The following MYRF variants were observed in gnomAD, a reference collection of about 807,000 sequenced individuals.
MYRF encodes the protein myelin gene regulatory factor.
In MYRF, 16 loss-of-function variants were observed where a neutral mutation model predicts 126.3. The observed-to-expected ratio is 0.13, with a 90% CI of 0.09 to 0.19. MYRF has a LOEUF of 0.19. MYRF is among the 10% of genes least tolerant of loss of function. The probability of loss-of-function intolerance (pLI) is 1.00; values close to 1 mark genes in which losing one functional copy is unlikely to be tolerated. For synonymous variants in MYRF, 608 were observed against 635.3 expected, an observed-to-expected ratio of 0.96 and a Z score of 0.65; for missense variants, 1,104 against 1,547.0, an observed-to-expected ratio of 0.71 and a Z score of 4.80.
intron 1 of MYRF, among the ~76,000 whole-genome samples, chr11:61,761,268 G>GT (rs1555053597): frequency 2.0e-5 from 3 of 151,588 alleles, no homozygotes; most frequent in East Asian, 1.9e-4. Context: ...GTGGGGGGGG[G>GT]GGCACATAAG....
At position 61,785,832 on chromosome 11, in the gene MYRF, G is replaced by A. The variant is rs1422597654; in HGVS notation, c.3333G>A (p.Leu1111=). ...GTSHRWPITI[L]SFREFTYHFR... ...CTCACCGGTGGCCAATAACCATCCT[G>A]TCCTTCCGTGAATTCACCTACCACT... Residue 1111 remains leucine, a synonymous_variant, in exon 26 of 27, where the codon CTG becomes CTA. Coordinates refer to ENST00000278836, the MANE Select transcript of MYRF (RefSeq NM_001127392.3). The A allele has an allele frequency of 1.2e-6, 2 of 1,614,032 alleles. No individual in the cohort carries two copies. The highest frequency in any genetic ancestry group is 1.7e-6 in the Non-Finnish European group (2 of 1,180,024).
intron 1 of MYRF, among the ~76,000 whole-genome samples, chr11:61,760,576 C>T (rs1009774728): frequency 4.6e-5 from 7 of 152,164 alleles, no homozygotes; most frequent in Non-Finnish European, 7.3e-5. Context: ...CTCTGGAGCA[C>T]GTGTGCAGCA....
intron 4 of MYRF, among the ~76,000 whole-genome samples, chr11:61,769,967 A>T (rs1384359113): frequency 6.6e-6 from 1 of 151,252 alleles, no homozygotes; most frequent in Admixed American, 6.6e-5. Context: ...ACGGAGGGGG[A>T]CCTTTAGATT....
chr11:61,753,911 C>G (rs115350041), intron 1 of MYRF: 3 of 152,524 alleles, frequency 2.0e-5, no homozygotes, highest in Non-Finnish European at 4.4e-5. Flanking sequence ...CTCAGAACCT[C>G]CCTGGAACAT....
At chr11:61,761,925 G>A (rs2065912464) in intron 1 of MYRF, among the ~76,000 whole-genome samples, 1 of 152,254 alleles carries the variant, frequency 6.6e-6, no homozygotes, top group Non-Finnish European at 1.5e-5. Context: ...GTGGGTGGTG[G>A]GCGGGTGGTG....
At chr11:61,780,193 C>T (rs747765532) in intron 17 of MYRF, 29 bp from the exon 18 acceptor site, 1 of 1,612,652 alleles carries the variant, frequency 6.2e-7, no homozygotes, top group Non-Finnish European at 8.5e-7. Flanking sequence ...GGCTCCAGCT[C>T]TAACGGTCAC....
rs1209445078 is a variant in MYRF at position 61,783,156 on chromosome 11, A to C, written c.3017-342A>C. 1 of 212,674 alleles carries C rather than the reference A, an allele frequency of 4.7e-6. No homozygotes were observed. The highest frequency in any genetic ancestry group is 1.1e-4 in the East Asian group (1 of 8,814). 13.2% of individuals were successfully genotyped at this position (212,674 alleles called of 1,614,324 possible). On this transcript the variant is annotated intron_variant, in intron 22 of 26. Transcript: ENST00000278836. The surrounding 1 kb of genome is among the most constrained non-coding windows in gnomAD (Gnocchi z 4.6). ...ACTGCTGATTTCAAGCTACCAGTGTAACTGATGTTTCTGAACCCAGAACTG... is the reference window on the plus strand; with the variant it reads ...ACTGCTGATTTCAAGCTACCAGTGTCACTGATGTTTCTGAACCCAGAACTG...
intron 18 of MYRF, 37 bp downstream of exon 18, chr11:61,780,327 G>C: frequency 3.1e-6 from 5 of 1,587,884 alleles, no homozygotes; most frequent in Non-Finnish European, 4.3e-6. Context: ...TGCCAGGCCA[G>C]GTGGGGCTTT....
At chr11:61,779,156 G>T in intron 14 of MYRF, 107 bp from the exon 15 acceptor site, 1 of 1,272,246 alleles carries the variant, frequency 7.9e-7, no homozygotes, top group East Asian at 2.5e-5. Context: ...AGTGGCCAAG[G>T]ACAGTGGCCG....
chr11:61,767,165 G>A, intron 3 of MYRF: 1 of 456,714 alleles, frequency 2.2e-6, no homozygotes, highest in Non-Finnish European at 4.4e-6. Flanking sequence ...AGGGAGTGGA[G>A]GCCAGGCTTG....
At position 61,770,228 on chromosome 11, in the gene MYRF, C is replaced by T. The variant is rs749665522; in HGVS notation, c.461-18C>T. ...GTGAGGTTGGTCTCAGATGCCCGCTCCCCCATCTCTCCTGCAGAGCCCCAC... is the reference window on the plus strand; with the variant it reads ...GTGAGGTTGGTCTCAGATGCCCGCTTCCCCATCTCTCCTGCAGAGCCCCAC... On this transcript the variant is annotated intron_variant, in intron 4 of 26. Coordinates refer to ENST00000278836, the MANE Select transcript of MYRF (RefSeq NM_001127392.3). 7 of 1,577,884 alleles carry T rather than the reference C, an allele frequency of 4.4e-6. No homozygotes were observed. Among genetic ancestry groups the T allele is most frequent in the Admixed American group, 1.7e-5 (1 of 57,890 alleles).
chr11:61,756,267 TAGCCCCC>T (rs893895353), intron 1 of MYRF, among the ~76,000 whole-genome samples: 9 of 152,042 alleles, frequency 5.9e-5, no homozygotes, highest in African/African-American at 2.2e-4. Context: ...AGTGGACACC[TAGCCCCC>T]AGCTCCCTAC....
intron 1 of MYRF, among the ~76,000 whole-genome samples, chr11:61,756,906 C>T (rs964194152): frequency 6.6e-6 from 1 of 152,078 alleles, no homozygotes; most frequent in African/African-American, 2.4e-5. Flanking sequence ...TACCAACTCC[C>T]AAGGGGTTAC....
At position 61,777,727 on chromosome 11, in the gene MYRF, C is replaced by T; in HGVS notation, c.1792-7C>T. 6.5e-7 allele frequency: 1 copy of T among 1,549,380 alleles called. No homozygotes were observed. The highest frequency in any genetic ancestry group is 8.7e-7 in the Non-Finnish European group (1 of 1,145,366). ...AGGGGTTCATTCCCGGGCCTGGCTC[C>T]CCGCAGGTGGACACCACCGAGCAAT... On this transcript the variant is annotated splice_region_variant and splice_polypyrimidine_tract_variant and intron_variant, in intron 12 of 26. Coordinates refer to ENST00000278836, the MANE Select transcript of MYRF (RefSeq NM_001127392.3). The surrounding 1 kb of genome is among the most constrained non-coding windows in gnomAD (Gnocchi z 8.8).
At position 61,771,875 on chromosome 11, in the gene MYRF, C is replaced by G. The variant is rs765062302; in HGVS notation, c.1038C>G (p.Pro346=). Residue 346 remains proline, a synonymous_variant, in exon 7 of 27, where the codon CCC becomes CCG. Coordinates refer to ENST00000278836, the MANE Select transcript of MYRF (RefSeq NM_001127392.3). ...GCCTCAGTGGCTCCTACCTGGACCC[C>G]AACTACCAGTCCATCAAGTGGCAGC... is the stretch of plus-strand genomic sequence containing the variant. The part of the protein sequence containing the change: ...SDSLSGSYLD[P]NYQSIKWQPH... 1 of 1,614,178 alleles carries G rather than the reference C, an allele frequency of 6.2e-7. No individual in the cohort carries two copies. Among genetic ancestry groups the G allele is most frequent in the East Asian group, 2.2e-5 (1 of 44,884 alleles).
intron 1 of MYRF, chr11:61,755,644 A>G (rs1253988443): frequency 1.4e-6 from 1 of 729,770 alleles, no homozygotes; most frequent in African/African-American, 1.7e-5. Context: ...CCTGCAAGAC[A>G]GGAGGGGGTG....
intron 1 of MYRF, among the ~76,000 whole-genome samples, chr11:61,755,905 G>A (rs1259635074): frequency 3.9e-5 from 6 of 152,218 alleles, no homozygotes; most frequent in African/African-American, 7.2e-5. Context: ...GCCTCTGCCC[G>A]GCCTCTGGAG....
In MYRF at chr11:61,757,628, T is replaced by C. The variant is rs2065796483; in HGVS notation, c.46+4838T>C. 1 of 445,570 alleles carries C rather than the reference T, an allele frequency of 2.2e-6. No homozygotes were observed. The highest frequency in any genetic ancestry group is 2.0e-5 in the African/African-American group (1 of 49,656). The allele number at this position is 445,570 out of a possible 1,614,324, so 27.6% of individuals were successfully genotyped here. On this transcript the variant is annotated intron_variant, in intron 1 of 26. Transcript: ENST00000278836. The surrounding 1 kb of genome is among the most constrained non-coding windows in gnomAD (Gnocchi z 4.7). The stretch of plus-strand genomic sequence containing the variant: ...TGGCCTGGTCCTGGTCCCTGGCACA[T>C]CCAGTGGGGCCCGCCCCACCTCCCC...
chr11:61,755,468 C>T, intron 1 of MYRF: 1 of 1,607,352 alleles, frequency 6.2e-7, no homozygotes, highest in Non-Finnish European at 8.5e-7. Flanking sequence ...TATAAGGGGG[C>T]TTTGGACTCC....
Sources: gnomAD v4.1 joint callset for allele counts (sites outside exome capture counted in the v4.1 genomes callset) on GRCh38, gnomAD v4.1.1 for gene constraint, Gnocchi (gnomAD v3.1) non-coding constraint, MANE v1.5 for transcripts, NCBI Gene and HGNC (gene_info 2026-07-23, HGNC 2026-07-21) for gene names.